The following DLG2 variants were observed in gnomAD, a reference collection of about 807,000 sequenced individuals.
The protein encoded by DLG2 is disks large homolog 2.
A neutral mutation model predicts 132.5 loss-of-function variants in DLG2; 45 were observed. The observed-to-expected ratio is 0.34, with a 90% CI of 0.27 to 0.44. DLG2 has a LOEUF of 0.44. Ranked by LOEUF, DLG2 falls within the 20% of genes least tolerant of loss-of-function variation. The pLI is 1.00. For missense variants in DLG2, 1,045 were observed against 1,196.9 expected, an observed-to-expected ratio of 0.87 and a Z score of 1.87; for synonymous variants, 424 against 419.6, an observed-to-expected ratio of 1.01 and a Z score of -0.13.
At chr11:84,601,217 A>G (rs2099575910) in intron 6 of DLG2, among the ~76,000 whole-genome samples, 1 of 152,048 alleles carries the variant, frequency 6.6e-6, no homozygotes, top group South Asian at 2.1e-4. Flanking sequence ...TGCCACTGAA[A>G]GAATTGTTTT....
At chr11:84,770,812 A>T (rs980508734) in intron 6 of DLG2, among the ~76,000 whole-genome samples, 1 of 141,784 alleles carries the variant, frequency 7.1e-6, no homozygotes, top group African/African-American at 2.6e-5. Flanking sequence ...CGCCTGGCTA[A>T]TTTTTTTTTT....
intron 3 of DLG2, among the ~76,000 whole-genome samples, chr11:85,563,753 T>C (rs572803548): frequency 6.6e-6 from 1 of 152,254 alleles, no homozygotes; most frequent in South Asian, 2.1e-4. Flanking sequence ...AGTCTGGGGC[T>C]ACTACGAATA....
chr11:83,594,015 G>A (rs1202983147), intron 19 of DLG2, among the ~76,000 whole-genome samples: 6 of 152,292 alleles, frequency 3.9e-5, no homozygotes, highest in Non-Finnish European at 7.4e-5. Flanking sequence ...AGGTTAAAAT[G>A]GGAAGTAAAA....
intron 4 of DLG2, among the ~76,000 whole-genome samples, chr11:85,259,636 T>G (rs1337045456): frequency 6.6e-6 from 1 of 151,822 alleles, no homozygotes; most frequent in Non-Finnish European, 1.5e-5. Flanking sequence ...CCAGCTCTTC[T>G]GCTTGCTTGA....
intron 6 of DLG2, among the ~76,000 whole-genome samples, chr11:84,775,188 T>TA (rs974193856): frequency 1.3e-5 from 2 of 151,966 alleles, no homozygotes; most frequent in African/African-American, 4.8e-5. Flanking sequence ...TGCTCATCAC[T>TA]AATCACCACG....
At chr11:84,254,317 C>T (rs976147930) in intron 7 of DLG2, among the ~76,000 whole-genome samples, 2 of 151,926 alleles carry the variant, frequency 1.3e-5, no homozygotes, top group Non-Finnish European at 2.9e-5. Context: ...CCATTTAAAA[C>T]TTTTGTATGT....
chr11:83,577,146 C>G (rs1435489167), intron 19 of DLG2, among the ~76,000 whole-genome samples: 1 of 152,002 alleles, frequency 6.6e-6, no homozygotes, highest in East Asian at 1.9e-4. Context: ...AGCCTCCCAG[C>G]CTACATCTTT....
intron 3 of DLG2, chr11:85,286,132 C>G: frequency 2.2e-6 from 1 of 451,222 alleles, no homozygotes; most frequent in Non-Finnish European, 4.4e-6. Context: ...ACTATAAAAC[C>G]AAAGTCAAGG....
chr11:83,509,983 AG>A (rs1258111047), intron 21 of DLG2, among the ~76,000 whole-genome samples: 7 of 152,184 alleles, frequency 4.6e-5, no homozygotes, highest in Non-Finnish European at 8.8e-5. Context: ...TGTCTAGTGA[AG>A]GCCAATAGGC....
At chr11:85,221,478 T>C (rs1253820736) in intron 4 of DLG2, among the ~76,000 whole-genome samples, 2 of 152,228 alleles carry the variant, frequency 1.3e-5, no homozygotes, top group Non-Finnish European at 2.9e-5. Flanking sequence ...TGTTGAACAT[T>C]GTGACCTCTA....
intron 6 of DLG2, among the ~76,000 whole-genome samples, chr11:84,975,896 A>G (rs2054831198): frequency 6.6e-6 from 1 of 152,094 alleles, no homozygotes; most frequent in Non-Finnish European, 1.5e-5. Flanking sequence ...CTCTCATCTT[A>G]TTCTTCAGCT....
intron 18 of DLG2, among the ~76,000 whole-genome samples, chr11:83,688,666 A>G (rs999184290): frequency 2.0e-5 from 3 of 152,190 alleles, no homozygotes; most frequent in African/African-American, 7.2e-5. Context: ...TATAGAAATT[A>G]ATATATATTG....
intron 3 of DLG2, among the ~76,000 whole-genome samples, chr11:85,408,496 C>G (rs1448057035): frequency 6.6e-6 from 1 of 150,932 alleles, no homozygotes; most frequent in Non-Finnish European, 1.5e-5. Context: ...ACTGCACCCA[C>G]TAACTCGTCA....
intron 6 of DLG2, among the ~76,000 whole-genome samples, chr11:84,746,897 A>G (rs1345746587): frequency 6.6e-6 from 1 of 152,146 alleles, no homozygotes; most frequent in African/African-American, 2.4e-5. Context: ...CTTCACCTCC[A>G]TGTGCAACAA....
At position 83,869,877 on chromosome 11, in the gene DLG2, G is replaced by A. The variant is rs189581160; in HGVS notation, c.1565+4543C>T. ...GTACTAGAAAATTCTGCCATTAAGT[G>A]TGTCACTAAATGACCTTGTAAGGTA... On this transcript the variant is annotated intron_variant, in intron 16 of 27. Coordinates refer to ENST00000376104, the MANE Select transcript of DLG2 (RefSeq NM_001142699.3). Among the ~76,000 whole-genome samples, 14 of 152,244 alleles carry A rather than the reference G, an allele frequency of 9.2e-5. No individual in the cohort carries two copies. In the East Asian group the frequency reaches 2.1e-3, roughly 23 times the overall value.
At chr11:84,539,769 A>G (rs546759573) in intron 6 of DLG2, among the ~76,000 whole-genome samples, 1 of 152,328 alleles carries the variant, frequency 6.6e-6, no homozygotes, top group South Asian at 2.1e-4. Flanking sequence ...AGCCAAAAGA[A>G]CAAAGCTGGA....
chr11:84,642,117 AGTGT>A lies in DLG2; in HGVS notation c.358-107390_358-107387del, dbSNP rs139383928. Among the ~76,000 whole-genome samples, 372 of 138,814 alleles carry A rather than the reference AGTGT, an allele frequency of 2.7e-3. 1 individual carries two copies. Among genetic ancestry groups the A allele is most frequent in the African/African-American group, 8.4e-3 (316 of 37,436 alleles). The allele number at this position is 138,814 out of a possible 152,430, so 91.1% of individuals were successfully genotyped here. On this transcript the variant is annotated intron_variant, in intron 6 of 27. Coordinates refer to ENST00000376104, the MANE Select transcript of DLG2 (RefSeq NM_001142699.3). ...AGTGTGTGTGTGTGTGTATATGTAG[AGTGT>A]GTGTGTGTGTGTGTGTGTGTGTATT...
intron 4 of DLG2, among the ~76,000 whole-genome samples, chr11:85,203,741 A>G (rs957197374): frequency 2.0e-5 from 3 of 152,104 alleles, no homozygotes; most frequent in African/African-American, 7.2e-5. Context: ...AGCACCTAAG[A>G]AAGCTACAGG....
At chr11:84,779,000 G>A (rs1239930952) in intron 6 of DLG2, among the ~76,000 whole-genome samples, 1 of 152,068 alleles carries the variant, frequency 6.6e-6, no homozygotes, top group African/African-American at 2.4e-5. Flanking sequence ...GTTTGCCAGG[G>A]GCTCTCAGGC....
Sources: allele counts gnomAD v4.1 joint callset (sites outside exome capture counted in the v4.1 genomes callset), GRCh38; gene constraint gnomAD v4.1.1; transcripts MANE v1.5; gene names NCBI Gene and HGNC (gene_info 2026-07-23, HGNC 2026-07-21).